NR3C1: variants seen among roughly 807,000 people sequenced by gnomAD.
NR3C1 encodes glucocorticoid receptor.
Under a neutral mutation model 74.0 loss-of-function variants are expected in NR3C1, and 14 were observed. The ratio of observed to expected loss-of-function variants is 0.19; its 90% CI spans 0.12 to 0.30. The LOEUF (loss-of-function observed/expected upper bound fraction) is 0.30, where lower values mean the gene tolerates loss of function less well. Among genes scored for constraint, NR3C1 ranks in the 10% least tolerant of loss-of-function variants. The pLI is 1.00. For synonymous variants in NR3C1, 308 were observed against 332.5 expected, an observed-to-expected ratio of 0.93 and a Z score of 0.80; for missense variants, 695 against 909.8, an observed-to-expected ratio of 0.76 and a Z score of 3.04.
At chr5:143,413,757 G>C (rs964736768) in intron 1 of NR3C1, among the ~76,000 whole-genome samples, 1 of 152,134 alleles carries the variant, frequency 6.6e-6, no homozygotes, top group Non-Finnish European at 1.5e-5. Context: ...ATGACCAAGG[G>C]ATGTCAGGAA....
At chr5:143,296,974 A>G (rs562225440) in intron 6 of NR3C1, among the ~76,000 whole-genome samples, 5 of 148,074 alleles carry the variant, frequency 3.4e-5, no homozygotes, top group Admixed American at 6.8e-5. Flanking sequence ...GCTATTCGGG[A>G]GGCTGAGGCA....
chr5:143,431,934 A>G (rs1442006260), intron 1 of NR3C1, among the ~76,000 whole-genome samples: 2 of 151,306 alleles, frequency 1.3e-5, no homozygotes, highest in Non-Finnish European at 2.9e-5. Flanking sequence ...TTTGAATGAC[A>G]TTTATATGGG....
intron 2 of NR3C1, among the ~76,000 whole-genome samples, chr5:143,373,548 G>T (rs566636472): frequency 6.6e-6 from 1 of 151,854 alleles, no homozygotes; most frequent in Non-Finnish European, 1.5e-5. Context: ...CCAACATGGC[G>T]CATGTATACC....
intron 6 of NR3C1, among the ~76,000 whole-genome samples, chr5:143,296,051 G>A (rs147026365): frequency 3.3e-5 from 5 of 152,276 alleles, no homozygotes; most frequent in South Asian, 4.1e-4. Flanking sequence ...TGCAGAGGGC[G>A]AGACCTAGAA....
intron 1 of NR3C1, among the ~76,000 whole-genome samples, chr5:143,433,197 T>C (rs571564085): frequency 1.8e-4 from 27 of 152,102 alleles, no homozygotes; most frequent in Non-Finnish European, 3.5e-4. Context: ...AAGTTAACTC[T>C]GATGGTGCTG....
chr5:143,433,459 T>TATATATAATTTATTTATTTAAA (rs1751956669), intron 1 of NR3C1, among the ~76,000 whole-genome samples: 1 of 146,482 alleles, frequency 6.8e-6, no homozygotes, highest in Non-Finnish European at 1.5e-5. Context: ...AAATTATATA[T>TATATATAATTTATTTATTTAAA]ATATATATAT....
intron 2 of NR3C1, among the ~76,000 whole-genome samples, chr5:143,377,740 C>T (rs1305964617): frequency 6.6e-6 from 1 of 152,220 alleles, no homozygotes; most frequent in African/African-American, 2.4e-5. Flanking sequence ...TTTCTGAACA[C>T]TGAACTCGAC....
At chr5:143,357,537 C>T (rs1831374116) in intron 2 of NR3C1, among the ~76,000 whole-genome samples, 1 of 152,160 alleles carries the variant, frequency 6.6e-6, no homozygotes, top group Non-Finnish European at 1.5e-5. Flanking sequence ...TGGCAAAAGG[C>T]AATTTAAACC....
intron 7 of NR3C1, among the ~76,000 whole-genome samples, chr5:143,284,893 A>G (rs573533159): frequency 6.6e-6 from 1 of 152,160 alleles, no homozygotes; most frequent in African/African-American, 2.4e-5. Context: ...CCCAGGGTCT[A>G]GCAATCTTGC....
At chr5:143,431,305 G>A (rs1056546052) in intron 1 of NR3C1, among the ~76,000 whole-genome samples, 1 of 152,204 alleles carries the variant, frequency 6.6e-6, no homozygotes, top group Non-Finnish European at 1.5e-5. Context: ...ACCTATGTCT[G>A]AGAAAGTAGG....
intron 2 of NR3C1, among the ~76,000 whole-genome samples, chr5:143,338,244 C>T (rs1297857154): frequency 6.6e-6 from 1 of 152,038 alleles, no homozygotes; most frequent in Non-Finnish European, 1.5e-5. Flanking sequence ...CAACTGTGTA[C>T]AGTACATAAT....
At chr5:143,352,149 C>T (rs1830346434) in intron 2 of NR3C1, among the ~76,000 whole-genome samples, 1 of 152,114 alleles carries the variant, frequency 6.6e-6, no homozygotes, top group Admixed American at 6.6e-5. Flanking sequence ...CATGCACACA[C>T]AATGCGGTAT....
chr5:143,333,143 T>C, intron 2 of NR3C1: 1 of 1,581,200 alleles, frequency 6.3e-7, no homozygotes, highest in East Asian at 2.2e-5. Context: ...CAGTGGCCCA[T>C]CATGCTACCA....
chr5:143,427,811 G>A (rs1003500952), intron 1 of NR3C1, among the ~76,000 whole-genome samples: 7 of 152,188 alleles, frequency 4.6e-5, no homozygotes, highest in African/African-American at 1.4e-4. Flanking sequence ...CCACTCACTA[G>A]CATTGTGATC....
intron 2 of NR3C1, among the ~76,000 whole-genome samples, chr5:143,379,626 C>T (rs1323321301): frequency 6.6e-6 from 1 of 152,202 alleles, no homozygotes; most frequent in South Asian, 2.1e-4. Context: ...TCTAGACTAG[C>T]CCCGTGATTT....
At chr5:143,318,373 T>G (rs542107456) in intron 2 of NR3C1, among the ~76,000 whole-genome samples, 3 of 152,192 alleles carry the variant, frequency 2.0e-5, no homozygotes, top group African/African-American at 7.2e-5. Context: ...GATTGTTACA[T>G]TGAAATATGT....
intron 2 of NR3C1, among the ~76,000 whole-genome samples, chr5:143,355,597 T>C (rs1416043120): frequency 6.6e-6 from 1 of 152,142 alleles, no homozygotes; most frequent in Non-Finnish European, 1.5e-5. Flanking sequence ...TTAAATACAT[T>C]GAAAGTAGGG....
At chr5:143,427,176 G>A (rs1179060389) in intron 1 of NR3C1, among the ~76,000 whole-genome samples, 1 of 152,074 alleles carries the variant, frequency 6.6e-6, no homozygotes, top group Non-Finnish European at 1.5e-5. Flanking sequence ...ATTATTTTGT[G>A]TGACAAACTG....
chr5:143,336,814 T>C (rs568889230), intron 2 of NR3C1, among the ~76,000 whole-genome samples: 15 of 151,748 alleles, frequency 9.9e-5, no homozygotes, highest in African/African-American at 3.6e-4. Flanking sequence ...CGAAACCCTG[T>C]TTCTATTAAA....
Sources: allele counts gnomAD v4.1 joint callset (sites outside exome capture counted in the v4.1 genomes callset), GRCh38; gene constraint gnomAD v4.1.1; transcripts MANE v1.5; gene names NCBI Gene and HGNC (gene_info 2026-07-23, HGNC 2026-07-21).